PREP: variants seen among roughly 807,000 people sequenced by gnomAD.
PREP encodes dJ355L5.1 (prolyl endopeptidase).
A neutral mutation model predicts 87.6 loss-of-function variants in PREP; 29 were observed. That is an observed-to-expected ratio of 0.33 (90% CI 0.25 to 0.45). The LOEUF (loss-of-function observed/expected upper bound fraction) is 0.45, where lower values mean the gene tolerates loss of function less well. Among genes scored for constraint, PREP ranks in the 20% least tolerant of loss-of-function variants. PREP has a pLI of 1.00. For missense variants in PREP, 695 were observed against 886.5 expected (o/e 0.78, Z 2.74); for synonymous variants, 337 against 328.6 (o/e 1.03, Z -0.28).
intron 12 of PREP, among the ~76,000 whole-genome samples, chr6:105,283,106 C>T (rs11961706): frequency 0.011 from 1,733 of 152,258 alleles, 34 homozygotes; most frequent in African/African-American, 0.04. Context: ...CTGACATGGT[C>T]GGTGATGGGG....
chr6:105,318,183 C>T (rs1770922126), intron 10 of PREP, among the ~76,000 whole-genome samples: 2 of 152,104 alleles, frequency 1.3e-5, no homozygotes, highest in Admixed American at 1.3e-4. Context: ...TAGCTAGTCA[C>T]ATTTTTTTTT....
intron 8 of PREP, 95 bp downstream of exon 8, chr6:105,333,219 C>T: frequency 8.0e-7 from 1 of 1,246,218 alleles, no homozygotes; most frequent in Non-Finnish European, 1.1e-6. Context: ...GGTTTTTTAC[C>T]TTGTAACAGA....
intron 9 of PREP, among the ~76,000 whole-genome samples, chr6:105,327,476 A>G (rs1771197301): frequency 6.6e-6 from 1 of 152,162 alleles, no homozygotes; most frequent in Admixed American, 6.5e-5. Flanking sequence ...AAGGTATACT[A>G]TCAGACCTAT....
At chr6:105,300,452 A>G (rs1260501976) in intron 10 of PREP, among the ~76,000 whole-genome samples, 2 of 152,222 alleles carry the variant, frequency 1.3e-5, no homozygotes, top group Non-Finnish European at 2.9e-5. Context: ...AACAGACACA[A>G]TTCATTTCAC....
At chr6:105,312,897 G>T (rs114974345) in intron 10 of PREP, among the ~76,000 whole-genome samples, 2 of 152,172 alleles carry the variant, frequency 1.3e-5, no homozygotes, top group African/African-American at 4.8e-5. Context: ...GCGGCTGTAT[G>T]AAGAAGAGCA....
intron 10 of PREP, among the ~76,000 whole-genome samples, chr6:105,293,544 G>GA (rs1381023736): frequency 9.5e-5 from 14 of 148,090 alleles, no homozygotes; most frequent in African/African-American, 3.0e-4. Context: ...ACATGTTGTT[G>GA]AAAAAATGGC....
chr6:105,400,751 A>C (rs1249714230), intron 1 of PREP, among the ~76,000 whole-genome samples: 1 of 152,218 alleles, frequency 6.6e-6, no homozygotes, highest in East Asian at 1.9e-4. Context: ...ATTTCTGCCC[A>C]AAAAGGCAGA....
At chr6:105,346,783 T>G (rs1368852439) in intron 7 of PREP, among the ~76,000 whole-genome samples, 1 of 152,238 alleles carries the variant, frequency 6.6e-6, no homozygotes, top group Non-Finnish European at 1.5e-5. Context: ...TTAAGAATTC[T>G]ATTAAAAATC....
At position 105,275,521 on chromosome 6, in the gene PREP, A is replaced by C. The variant is rs1448048940; in HGVS notation, c.*2623T>G. ...CAACATGTACAACTTTTTCTTTTTC[A>C]AAACAGTCCTAAAAAAACTAAACAT... On this transcript the variant is annotated 3_prime_UTR_variant, in exon 15 of 15. Coordinates refer to ENST00000652536, the MANE Select transcript of PREP (RefSeq NM_002726.5). Among the ~76,000 whole-genome samples the C allele has an allele frequency of 2.0e-5, 3 of 152,302 alleles. No homozygotes were observed. In the East Asian group the frequency reaches 5.8e-4, roughly 29 times the overall value.
At chr6:105,304,895 T>A (rs758850784) in intron 10 of PREP, among the ~76,000 whole-genome samples, 2 of 152,190 alleles carry the variant, frequency 1.3e-5, no homozygotes, top group African/African-American at 2.4e-5. Context: ...TTCCAACTTA[T>A]TACTAATGAA....
At chr6:105,395,406 A>G in intron 2 of PREP, among the ~76,000 whole-genome samples, 1 of 152,202 alleles carries the variant, frequency 6.6e-6, no homozygotes, top group East Asian at 1.9e-4. Context: ...GTAGCCATGG[A>G]CAACATATTT....
intron 10 of PREP, chr6:105,322,506 T>C (rs1771038011): frequency 1.0e-6 from 1 of 985,702 alleles, no homozygotes; most frequent in African/African-American, 1.7e-5. Flanking sequence ...CGGCCCTGTA[T>C]GTCTATCAAG....
chr6:105,303,542 T>C (rs1205680445), intron 10 of PREP, among the ~76,000 whole-genome samples: 2 of 152,088 alleles, frequency 1.3e-5, no homozygotes, highest in East Asian at 1.9e-4. Context: ...TATTGGCTCT[T>C]AGAAGTTCAC....
At chr6:105,282,829 G>A (rs573740543) in intron 12 of PREP, among the ~76,000 whole-genome samples, 65 of 152,276 alleles carry the variant, frequency 4.3e-4, no homozygotes, top group Admixed American at 5.2e-4. Context: ...GAACTTAAAC[G>A]GGAAATGCCC....
At chr6:105,289,302 T>C (rs1005861876) in intron 10 of PREP, among the ~76,000 whole-genome samples, 1 of 152,158 alleles carries the variant, frequency 6.6e-6, no homozygotes, top group African/African-American at 2.4e-5. Context: ...AGGGGCACAT[T>C]TGCCATCCTG....
chr6:105,311,643 T>G (rs760509331), intron 10 of PREP, among the ~76,000 whole-genome samples: 3 of 152,260 alleles, frequency 2.0e-5, no homozygotes, highest in Admixed American at 1.3e-4. Flanking sequence ...GTATTTCTCA[T>G]AAGGGCAAAG....
chr6:105,356,330 T>C (rs545647308), intron 6 of PREP, among the ~76,000 whole-genome samples: 7 of 152,336 alleles, frequency 4.6e-5, no homozygotes, highest in African/African-American at 1.7e-4. Context: ...CACAAAGTCT[T>C]TCCCCTCTGA....
At chr6:105,344,508 G>T (rs191979774) in intron 7 of PREP, among the ~76,000 whole-genome samples, 8,223 of 144,134 alleles carry the variant, frequency 0.057, 275 homozygotes, top group Middle Eastern at 0.1. Flanking sequence ...AAAAAAAAAA[G>T]GATGAGTTCA....
chr6:105,297,904 CG>C (rs1368667863), intron 10 of PREP, among the ~76,000 whole-genome samples: 3 of 152,152 alleles, frequency 2.0e-5, no homozygotes, highest in Admixed American at 6.5e-5. Context: ...TTGGAAGCAT[CG>C]GTAAGATCTC....
Sources: allele counts gnomAD v4.1 joint callset (sites outside exome capture counted in the v4.1 genomes callset), GRCh38; gene constraint gnomAD v4.1.1; transcripts MANE v1.5; gene names NCBI Gene and HGNC (gene_info 2026-07-23, HGNC 2026-07-21).